The following ATP2B4 variants were observed in gnomAD, a reference collection of about 807,000 sequenced individuals.
ATP2B4 encodes the protein ATPase plasma membrane Ca2+ transporting 4, also known as plasma membrane calcium-transporting ATPase 4.
Under a neutral mutation model 110.3 loss-of-function variants are expected in ATP2B4, and 39 were observed. The observed-to-expected ratio is 0.35, with a 90% CI of 0.27 to 0.46. ATP2B4 has a LOEUF of 0.46. Among genes scored for constraint, ATP2B4 ranks in the 20% least tolerant of loss-of-function variants. ATP2B4 has a pLI of 1.00. For synonymous variants in ATP2B4, 538 were observed against 571.7 expected (o/e 0.94, Z 0.84); for missense variants, 1,135 against 1,530.9 (o/e 0.74, Z 4.32).
intron 20 of ATP2B4, among the ~76,000 whole-genome samples, chr1:203,732,894 C>T (rs577434937): frequency 2.0e-5 from 3 of 152,038 alleles, no homozygotes; most frequent in Admixed American, 6.5e-5. Context: ...GGGAAAAGTC[C>T]CTTTACATTT....
intron 20 of ATP2B4, 132 bp downstream of exon 20, chr1:203,727,703 G>T: frequency 8.9e-7 from 1 of 1,121,478 alleles, no homozygotes; most frequent in Middle Eastern, 3.0e-4. Context: ...GGCAGCCCTA[G>T]ATCCTCAGCT....
At chr1:203,721,544 G>A (rs746493594) in intron 17 of ATP2B4, 134 bp downstream of exon 17, 46 of 814,384 alleles carry the variant, frequency 5.6e-5, no homozygotes, top group Middle Eastern at 3.6e-4. Context: ...CTGTGCTCCC[G>A]CTACACGGTG....
rs1306964520 is a variant in ATP2B4, at chr1:203,741,501, TCAC to T, written c.*1649_*1651del. Reference sequence around the variant, plus strand: ...AGGGGCCAGTTCATGTCCCTGACTCTCACCTCCCATTAGATAAATGAAGCCCAC... The same window carrying T: ...AGGGGCCAGTTCATGTCCCTGACTCTCTCCCATTAGATAAATGAAGCCCAC... On this transcript the variant is annotated 3_prime_UTR_variant, in exon 21 of 21. Coordinates refer to ENST00000357681, the MANE Select transcript of ATP2B4 (RefSeq NM_001684.5). 1 of 152,450 alleles carries T rather than the reference TCAC, an allele frequency of 6.6e-6. No homozygotes were observed. Among genetic ancestry groups the T allele is most frequent in the East Asian group, 1.9e-4 (1 of 5,196 alleles). 9.4% of individuals were successfully genotyped at this position (152,450 alleles called of 1,614,324 possible). A position where few individuals can be genotyped will look rare whatever the true frequency, so the allele number is the denominator to read the frequency against.
At chr1:203,695,485 C>T (rs1452773103) in intron 2 of ATP2B4, among the ~76,000 whole-genome samples, 1 of 152,182 alleles carries the variant, frequency 6.6e-6, no homozygotes, top group African/African-American at 2.4e-5. Flanking sequence ...TTGGCCAAAC[C>T]TCACAGCTCT....
At chr1:203,723,459 T>TCTCTCTCTCTCTCTCC (rs1558052460) in intron 18 of ATP2B4, among the ~76,000 whole-genome samples, 3 of 128,630 alleles carry the variant, frequency 2.3e-5, no homozygotes, top group African/African-American at 9.3e-5. Context: ...TCTCTCTCTC[T>TCTCTCTCTCTCTCTCC]CCCTCTGCCT....
At chr1:203,662,786 C>G (rs1289097743) in intron 1 of ATP2B4, among the ~76,000 whole-genome samples, 2 of 152,188 alleles carry the variant, frequency 1.3e-5, no homozygotes, top group Non-Finnish European at 2.9e-5. Context: ...ATAGCCTACT[C>G]TTTCCTTGTA....
chr1:203,655,900 G>GT (rs1664146199), intron 1 of ATP2B4, among the ~76,000 whole-genome samples: 1 of 151,712 alleles, frequency 6.6e-6, no homozygotes, highest in South Asian at 2.1e-4. Flanking sequence ...CATTAGCGTT[G>GT]TGTTTTGTTT....
intron 1 of ATP2B4, among the ~76,000 whole-genome samples, chr1:203,634,052 A>G (rs972282142): frequency 2.6e-5 from 4 of 152,186 alleles, no homozygotes; most frequent in Non-Finnish European, 5.9e-5. Context: ...CTCCGTCTCA[A>G]AAAAAATTTT....
chr1:203,674,907 C>G (rs1253027285), intron 1 of ATP2B4, among the ~76,000 whole-genome samples: 3 of 152,112 alleles, frequency 2.0e-5, no homozygotes, highest in Non-Finnish European at 4.4e-5. Flanking sequence ...CGGGGTTTCG[C>G]CATGTTGGCC....
chr1:203,640,295 G>C (rs962298157), intron 1 of ATP2B4, among the ~76,000 whole-genome samples: 1 of 151,890 alleles, frequency 6.6e-6, no homozygotes, highest in Non-Finnish European at 1.5e-5. Flanking sequence ...CTCCCTCCTT[G>C]CTTAGATCAA....
rs115923633 is a variant in ATP2B4, at chr1:203,729,093, G to A, written c.3309+1522G>A. 6.3e-3 allele frequency among the ~76,000 whole-genome samples: 958 copies of A among 151,964 alleles called. 11 individuals are homozygous for A. The highest frequency in any genetic ancestry group is 0.022 in the African/African-American group (906 of 41,408). ...AGACCACACCATTGCACTCCAGCCT[G>A]GGTGACAGATTGAGAGTTGTCTCAA... On this transcript the variant is annotated intron_variant, in intron 20 of 20. Transcript: ENST00000357681.
At position 203,742,976 on chromosome 1, in the gene ATP2B4, A is replaced by C. The variant is rs754893802; in HGVS notation, c.*3122A>C. 2.0e-4 allele frequency: 30 copies of C among 152,640 alleles called. No homozygotes were observed. The highest frequency in any genetic ancestry group is 4.0e-4 in the Non-Finnish European group (27 of 68,038). 9.5% of individuals were successfully genotyped at this position (152,640 alleles called of 1,614,324 possible). A position where few individuals can be genotyped will look rare whatever the true frequency, so the allele number is the denominator to read the frequency against. On this transcript the variant is annotated 3_prime_UTR_variant, in exon 21 of 21. Transcript: ENST00000357681. Reference sequence around the variant, plus strand: ...ATGGCTGGTTCTAGCCCTGAGTGACAGTCTTAAGGCTAGATCCTTCCCATA... The same window carrying C: ...ATGGCTGGTTCTAGCCCTGAGTGACCGTCTTAAGGCTAGATCCTTCCCATA...
chr1:203,730,165 C>T (rs529172449), intron 20 of ATP2B4, among the ~76,000 whole-genome samples: 34 of 151,338 alleles, frequency 2.2e-4, no homozygotes, highest in Middle Eastern at 6.9e-3. Context: ...ATTTACCCTG[C>T]CCCTCTTTTT....
chr1:203,665,509 TGTGTAGCCTTGGCC>T (rs1232287732), intron 1 of ATP2B4, among the ~76,000 whole-genome samples: 1 of 152,070 alleles, frequency 6.6e-6, no homozygotes, highest in Non-Finnish European at 1.5e-5. Context: ...CTGTCAAGAT[TGTGTAGCCTTGGCC>T]GGGCTCGGTG....
At chr1:203,679,917 T>C (rs995541312) in intron 1 of ATP2B4, among the ~76,000 whole-genome samples, 1 of 151,844 alleles carries the variant, frequency 6.6e-6, no homozygotes, top group Admixed American at 6.6e-5. Context: ...AAATATTAGC[T>C]GGGCATGGTG....
chr1:203,693,962 G>C (rs12035521), intron 2 of ATP2B4, among the ~76,000 whole-genome samples: 35,106 of 152,020 alleles, frequency 0.23, 4,872 homozygotes, highest in East Asian at 0.62. Flanking sequence ...TCTGTATCTA[G>C]GTTGGCATCC....
At position 203,739,807 on chromosome 1, in the gene ATP2B4, C is replaced by G. The variant is rs781077160; in HGVS notation, c.3571C>G (p.Leu1191Val). 8.1e-6 allele frequency: 13 copies of G among 1,614,136 alleles called. No homozygotes were observed. Among genetic ancestry groups the G allele is most frequent in the East Asian group, 2.2e-5 (1 of 44,880 alleles). Residue 1191 changes from leucine (L) to valine (V), a missense_variant, in exon 21 of 21, where the codon CTC (leucine) becomes GTC (valine). Coordinates refer to ENST00000357681, the MANE Select transcript of ATP2B4 (RefSeq NM_001684.5). ...NNAVDCNQVQ[L>V]PQSDSSLQSL... ...TGCGGTGGATTGCAACCAAGTGCAG[C>G]TCCCCCAGTCGGACAGCTCTCTACA... is the stretch of plus-strand genomic sequence containing the variant.
intron 6 of ATP2B4, 25 bp from the exon 7 acceptor site, chr1:203,702,019 A>C (rs1364688996): frequency 6.2e-7 from 1 of 1,613,768 alleles, no homozygotes; most frequent in Non-Finnish European, 8.5e-7. Context: ...TTTCGACCCC[A>C]CTTTTTTCTT....
intron 1 of ATP2B4, among the ~76,000 whole-genome samples, chr1:203,671,493 A>G (rs1350951400): frequency 6.6e-6 from 1 of 151,952 alleles, no homozygotes; most frequent in Non-Finnish European, 1.5e-5. Context: ...TATGGCCCTT[A>G]TTTCTCTTCT....
Sources: allele counts gnomAD v4.1 joint callset (sites outside exome capture counted in the v4.1 genomes callset), GRCh38; gene constraint gnomAD v4.1.1; transcripts MANE v1.5; gene names NCBI Gene and HGNC (gene_info 2026-07-23, HGNC 2026-07-21).